The following UBE2U variants were observed in gnomAD, a reference collection of about 807,000 sequenced individuals.
UBE2U encodes ubiquitin-conjugating enzyme E2 U.
A neutral mutation model predicts 41.2 loss-of-function variants in UBE2U; 39 were observed. The ratio of observed to expected loss-of-function variants is 0.95; its 90% CI spans 0.73 to 1.24. The LOEUF (loss-of-function observed/expected upper bound fraction) is 1.24. Ranked by LOEUF, UBE2U falls within the 50% of genes most tolerant of loss-of-function variation. The probability of loss-of-function intolerance (pLI) is 0.00; values close to 1 mark genes in which losing one functional copy is unlikely to be tolerated. For missense variants in UBE2U, 336 were observed against 363.1 expected (o/e 0.93, Z 0.61); for synonymous variants, 107 against 117.8 (o/e 0.91, Z 0.60).
intron 8 of UBE2U, among the ~76,000 whole-genome samples, chr1:64,247,454 C>T (rs935866522): frequency 6.6e-6 from 1 of 152,108 alleles, no homozygotes; most frequent in African/African-American, 2.4e-5. Flanking sequence ...GTGTTTGGGT[C>T]ATGGGGGCAG....
chr1:64,267,098 A>G lies in UBE2U; in HGVS notation c.844A>G (p.Lys282Glu). ...TTATGAAACAGAAGAGGAGGGGTGGAAGAGTGACACTTCATTATATGAAAA... is the reference window on the plus strand; with the variant it reads ...TTATGAAACAGAAGAGGAGGGGTGGGAGAGTGACACTTCATTATATGAAAA... ...DIYETEEEGW[K>E]SDTSLYENDT... The change falls in exon 10 of 10, where the codon AAG (lysine) becomes GAG (glutamate). Residue 282 changes from lysine to glutamate, a missense_variant. Physicochemically the swap from Lys to Glu is moderately conservative, Grantham distance 56. Coordinates refer to ENST00000371077, the MANE Select transcript of UBE2U (RefSeq NM_001366232.2). The G allele has an allele frequency of 1.3e-6, 2 of 1,550,534 alleles. No homozygotes were observed. The highest frequency in any genetic ancestry group is 1.7e-6 in the Non-Finnish European group (2 of 1,146,980).
intron 7 of UBE2U, among the ~76,000 whole-genome samples, chr1:64,239,157 A>AAGAAGAAGAAGAAAG: frequency 2.7e-5 from 1 of 37,062 alleles, no homozygotes; most frequent in Non-Finnish European, 5.8e-5. Context: ...GAAGAAGAAG[A>AAGAAGAAGAAGAAAG]AAGAAGAAGA....
rs750674162 is a variant in UBE2U, at chr1:64,232,653, A to C, written c.595+4A>C. 6.2e-6 allele frequency: 10 copies of C among 1,607,196 alleles called. No individual in the cohort carries two copies. In the South Asian group the frequency reaches 1.1e-4, roughly 18 times the overall value. ...ACAGAATACTACAGAACTCCATGTA[A>C]GGTGAACTATCCTTATCCTATGTCC... On this transcript the variant is annotated splice_donor_region_variant and intron_variant, in intron 7 of 9. Coordinates refer to ENST00000371077, the MANE Select transcript of UBE2U (RefSeq NM_001366232.2).
chr1:64,257,418 A>G (rs979487750), intron 8 of UBE2U, among the ~76,000 whole-genome samples: 1 of 152,218 alleles, frequency 6.6e-6, no homozygotes, highest in African/African-American at 2.4e-5. Context: ...ACACCATGGA[A>G]TACTATGCAG....
chr1:64,239,239 A>C (rs1286652412), intron 7 of UBE2U, among the ~76,000 whole-genome samples: 7 of 152,016 alleles, frequency 4.6e-5, no homozygotes, highest in Admixed American at 1.3e-4. Context: ...AGCTGGTTAA[A>C]TAGTTCGACT....
At chr1:64,226,009 T>A (rs1652841222) in intron 6 of UBE2U, among the ~76,000 whole-genome samples, 1 of 152,192 alleles carries the variant, frequency 6.6e-6, no homozygotes, top group African/African-American at 2.4e-5. Flanking sequence ...ATTCTACTCC[T>A]AAGTATATAC....
chr1:64,254,037 C>G (rs1404188583), intron 8 of UBE2U, among the ~76,000 whole-genome samples: 1 of 152,112 alleles, frequency 6.6e-6, no homozygotes, highest in Non-Finnish European at 1.5e-5. Context: ...TGTACGGATA[C>G]ACATAGGCTC....
chr1:64,245,363 T>C (rs1644903753), intron 8 of UBE2U, among the ~76,000 whole-genome samples: 1 of 152,186 alleles, frequency 6.6e-6, no homozygotes, highest in Non-Finnish European at 1.5e-5. Flanking sequence ...GTGTTCTTGG[T>C]TGTGCACATA....
intron 9 of UBE2U, among the ~76,000 whole-genome samples, chr1:64,265,800 AC>A (rs1645246589): frequency 1.3e-5 from 2 of 152,164 alleles, no homozygotes; most frequent in African/African-American, 4.8e-5. Flanking sequence ...CTGGTCTCGA[AC>A]CCGTGACCTC....
At chr1:64,205,810 A>G in intron 2 of UBE2U, 90 bp downstream of exon 2, 1 of 995,658 alleles carries the variant, frequency 1.0e-6, no homozygotes, top group South Asian at 2.2e-5. Context: ...AGGTCGCATT[A>G]TATAAATTTC....
At position 64,260,176 on chromosome 1, in the gene UBE2U, C is replaced by T. The variant is rs113328730; in HGVS notation, c.678-427C>T. Among the ~76,000 whole-genome samples, 232 of 152,198 alleles carry T rather than the reference C, an allele frequency of 1.5e-3. 1 individual carries two copies. The highest frequency in any genetic ancestry group is 5.3e-3 in the African/African-American group (219 of 41,544). ...TAGAAGATTCTTCCCTAGGGCTTTC[C>T]GAGGGAGGGAGGCCCTGCTGCCACC... On this transcript the variant is annotated intron_variant, in intron 8 of 9. Transcript: ENST00000371077.
intron 6 of UBE2U, among the ~76,000 whole-genome samples, chr1:64,229,183 C>T (rs1259418443): frequency 6.6e-6 from 1 of 151,958 alleles, no homozygotes; most frequent in Non-Finnish European, 1.5e-5. Flanking sequence ...TTAATAGAGA[C>T]GGGGTTTCAC....
At chr1:64,259,347 T>A (rs36155610) in intron 8 of UBE2U, among the ~76,000 whole-genome samples, 317 of 152,210 alleles carry the variant, frequency 2.1e-3, no homozygotes, top group Non-Finnish European at 3.6e-3. Context: ...TTTGTCAAGT[T>A]TGGCTTTTGT....
chr1:64,239,174 A>AGAAGAG (rs1644780713), intron 7 of UBE2U, among the ~76,000 whole-genome samples: 1 of 94,490 alleles, frequency 1.1e-5, no homozygotes, highest in Non-Finnish European at 2.1e-5. Flanking sequence ...AAGAAGAAGA[A>AGAAGAG]GAAGAAGAAG....
chr1:64,239,118 A>AGAAGG (rs1644748935), intron 7 of UBE2U, among the ~76,000 whole-genome samples: 1 of 18,126 alleles, frequency 5.5e-5, no homozygotes, highest in African/African-American at 4.3e-4. Flanking sequence ...GAAGAAGAAG[A>AGAAGG]AGAAGAAGAA....
chr1:64,213,794 T>C (rs949122718), intron 4 of UBE2U, among the ~76,000 whole-genome samples: 1 of 152,318 alleles, frequency 6.6e-6, no homozygotes, highest in East Asian at 1.9e-4. Context: ...TGTTTGAAAA[T>C]CATGGAGCGT....
intron 6 of UBE2U, among the ~76,000 whole-genome samples, chr1:64,229,316 A>G (rs1316184395): frequency 2.6e-5 from 4 of 152,292 alleles, no homozygotes; most frequent in African/African-American, 9.6e-5. Context: ...TAGAAAAACT[A>G]CAAGGAAGCT....
At chr1:64,261,667 C>T (rs1169819455) in intron 9 of UBE2U, among the ~76,000 whole-genome samples, 1 of 152,170 alleles carries the variant, frequency 6.6e-6, no homozygotes, top group African/African-American at 2.4e-5. Context: ...CTCCCTTCTT[C>T]CAGATTTCAG....
At chr1:64,239,157 A>AAGAAGAGAAG in intron 7 of UBE2U, among the ~76,000 whole-genome samples, 1 of 37,064 alleles carries the variant, frequency 2.7e-5, no homozygotes, top group East Asian at 1.0e-3. Flanking sequence ...GAAGAAGAAG[A>AAGAAGAGAAG]AAGAAGAAGA....
Sources: gnomAD v4.1 joint callset for allele counts (sites outside exome capture counted in the v4.1 genomes callset) on GRCh38, gnomAD v4.1.1 for gene constraint, MANE v1.5 for transcripts, NCBI Gene and HGNC (gene_info 2026-07-23, HGNC 2026-07-21) for gene names.